The following SLC44A2 variants were observed in gnomAD, a reference collection of about 807,000 sequenced individuals.
The protein encoded by SLC44A2 is choline transporter-like protein 2.
In SLC44A2, 57 loss-of-function variants were observed where a neutral mutation model predicts 90.8. The observed-to-expected ratio is 0.63, with a 90% CI of 0.51 to 0.78. The LOEUF is 0.78. SLC44A2 is among the 30% of genes least tolerant of loss of function. The pLI is 0.00. For missense variants in SLC44A2, 794 were observed against 919.7 expected (o/e 0.86, Z 1.77); for synonymous variants, 355 against 360.7 (o/e 0.98, Z 0.18).
At chr19:10,634,932 G>C in intron 11 of SLC44A2, 42 bp from the exon 12 acceptor site, 1 of 1,614,194 alleles carries the variant, frequency 6.2e-7, no homozygotes, top group Admixed American at 1.7e-5. Context: ...AGGCCTTGGA[G>C]GGAGTGGGGA....
At chr19:10,636,808 T>G in intron 16 of SLC44A2, 52 bp downstream of exon 16, 2 of 1,552,132 alleles carry the variant, frequency 1.3e-6, no homozygotes, top group Admixed American at 1.9e-5. Context: ...CGAGGCTGAA[T>G]AGCGAACCAG....
intron 1 of SLC44A2, among the ~76,000 whole-genome samples, chr19:10,612,370 C>CA (rs1321992443): frequency 6.6e-6 from 1 of 151,938 alleles, no homozygotes; most frequent in Non-Finnish European, 1.5e-5. Context: ...GACCCTGTCT[C>CA]AAAAAATAAA....
At chr19:10,618,412 G>T (rs2066872336) in intron 1 of SLC44A2, among the ~76,000 whole-genome samples, 1 of 149,030 alleles carries the variant, frequency 6.7e-6, no homozygotes, top group African/African-American at 2.5e-5. Flanking sequence ...CTGACCTTGT[G>T]ATCTCCCCGC....
At chr19:10,642,889 G>A in intron 21 of SLC44A2, 2 of 1,582,482 alleles carry the variant, frequency 1.3e-6, no homozygotes, top group Non-Finnish European at 1.7e-6. Flanking sequence ...TTCCCGGGGG[G>A]AGCCCAGGTG....
chr19:10,611,490 C>A (rs79074845), intron 1 of SLC44A2, among the ~76,000 whole-genome samples: 1 of 151,414 alleles, frequency 6.6e-6, no homozygotes, highest in Non-Finnish European at 1.5e-5. Context: ...ACAAGAGACC[C>A]GGTGCAGTGG....
intron 2 of SLC44A2, 84 bp downstream of exon 2, chr19:10,626,385 C>A: frequency 3.9e-6 from 4 of 1,035,062 alleles, no homozygotes; most frequent in Non-Finnish European, 6.0e-6. Context: ...ATCTGTTCTC[C>A]AACAAACTGG....
intron 1 of SLC44A2, among the ~76,000 whole-genome samples, chr19:10,607,341 T>TTTGTTG: frequency 6.6e-6 from 1 of 151,900 alleles, no homozygotes; most frequent in East Asian, 1.9e-4. Context: ...TACTTTATTC[T>TTTGTTG]TTGTTGTTGT....
chr19:10,635,306 A>G (rs1382280625), intron 13 of SLC44A2, 51 bp downstream of exon 13: 1 of 1,609,764 alleles, frequency 6.2e-7, no homozygotes. Context: ...CTAAAGACCA[A>G]CTTTGCCTAG....
At chr19:10,634,919 A>T (rs775124198) in intron 11 of SLC44A2, 32 bp downstream of exon 11, 31 of 1,614,002 alleles carry the variant, frequency 1.9e-5, no homozygotes, top group Non-Finnish European at 2.4e-5. Context: ...CTGCCCCCAC[A>T]TGAGGCCTTG....
chr19:10,621,443 G>GTTTTTTT (rs2066894701), upstream of SLC44A2, among the ~76,000 whole-genome samples: 3 of 55,070 alleles, frequency 5.4e-5, no homozygotes, highest in Admixed American at 2.0e-4. Context: ...TTTTTTTTTG[G>GTTTTTTT]TTTTTGTGGG....
rs748267991 is a variant in SLC44A2 at position 10,637,852 on chromosome 19, C to T, written c.1696-4C>T. On this transcript the variant is annotated splice_polypyrimidine_tract_variant and splice_region_variant and intron_variant, in intron 17 of 21. Coordinates refer to ENST00000335757, the MANE Select transcript of SLC44A2 (RefSeq NM_020428.4). ...TCTGATCTCTCCCTCCCACTCTCCT[C>T]CAGATTGCCATCTACGGCACCAATT... The T allele has an allele frequency of 6.2e-7, 1 of 1,614,146 alleles. No homozygotes were observed.
rs1406814569 is a variant in SLC44A2 at position 10,619,522 on chromosome 19, A to G, written c.32-6731A>G. On this transcript the variant is annotated intron_variant, in intron 1 of 21. Transcript: ENST00000407327. ...CGATTTGCAATACAAAAAAGAAAAAATATTTTTGTAGAGACGAGGTCTCAA... is the reference window on the plus strand; with the variant it reads ...CGATTTGCAATACAAAAAAGAAAAAGTATTTTTGTAGAGACGAGGTCTCAA... Among the ~76,000 whole-genome samples, 7 of 151,970 alleles carry G rather than the reference A, an allele frequency of 4.6e-5. 1 individual carries two copies. Among genetic ancestry groups the G allele is most frequent in the Non-Finnish European group, 1.5e-5 (1 of 67,966 alleles).
Position 10,643,697 on chromosome 19 carries a change from C to G in SLC44A2, c.*312C>G. On this transcript the variant is annotated 3_prime_UTR_variant, in exon 22 of 22. Coordinates refer to ENST00000335757, the MANE Select transcript of SLC44A2 (RefSeq NM_020428.4). Reference sequence around the variant, plus strand: ...AAGCTCCCTCATGCTTCCTGTCCCCCGCTTACACGACAACGGGCCAGACCA... The same window carrying G: ...AAGCTCCCTCATGCTTCCTGTCCCCGGCTTACACGACAACGGGCCAGACCA... 3.9e-6 allele frequency: 1 copy of G among 253,976 alleles called. No individual in the cohort carries two copies. 15.7% of individuals were successfully genotyped at this position (253,976 alleles called of 1,614,324 possible). A position where few individuals can be genotyped will look rare whatever the true frequency, so the allele number is the denominator to read the frequency against.
At chr19:10,637,162 C>T (rs759281252) in intron 16 of SLC44A2, 18 of 219,198 alleles carry the variant, frequency 8.2e-5, no homozygotes, top group Non-Finnish European at 1.5e-4. Context: ...CCAGCCTGGC[C>T]AACATGGTGA....
In SLC44A2 at chr19:10,640,872, G is replaced by A. The variant is rs555545145; in HGVS notation, c.1930-1495G>A. On this transcript the variant is annotated intron_variant, in intron 20 of 21. Transcript: ENST00000335757. The stretch of plus-strand genomic sequence containing the variant: ...AAGCCAAGGCAGGCGGATCATGAAC[G>A]TCAGGAGATTGAGACCATCCTGGCT... Among the ~76,000 whole-genome samples the A allele has an allele frequency of 8.8e-4, 134 of 152,174 alleles. 2 individuals carry two copies. The highest frequency in any genetic ancestry group is 2.3e-3 in the East Asian group (12 of 5,182).
upstream of SLC44A2, among the ~76,000 whole-genome samples, chr19:10,622,525 G>A (rs1203741066): frequency 6.6e-6 from 1 of 151,944 alleles, no homozygotes; most frequent in Non-Finnish European, 1.5e-5. Context: ...AGCTCTGAAG[G>A]CAAAACTGAT....
At chr19:10,640,312 A>G (rs1358841776) in intron 20 of SLC44A2, among the ~76,000 whole-genome samples, 1 of 152,082 alleles carries the variant, frequency 6.6e-6, no homozygotes, top group East Asian at 1.9e-4. Context: ...GCTGGTCTCG[A>G]ACTCCTGACC....
chr19:10,632,550 A>AG (rs1348089536), intron 10 of SLC44A2, among the ~76,000 whole-genome samples: 2 of 151,904 alleles, frequency 1.3e-5, no homozygotes, highest in Non-Finnish European at 2.9e-5. Context: ...AAAAAAAAAA[A>AG]AAGAAAAAAT....
chr19:10,635,524 C>G lies in SLC44A2; in HGVS notation c.1233+9C>G. ...AAACCTGCAACCCAGAGGTGGGCGT[C>G]CCCGGGGTGGGGAGGGCAGGTATTG... On this transcript the variant is annotated intron_variant, in intron 14 of 21. Transcript: ENST00000335757. 1 of 1,610,210 alleles carries G rather than the reference C, an allele frequency of 6.2e-7. No homozygotes were observed. Among genetic ancestry groups the G allele is most frequent in the Non-Finnish European group, 8.5e-7 (1 of 1,178,664 alleles).
Sources: gnomAD v4.1 joint callset for allele counts (sites outside exome capture counted in the v4.1 genomes callset) on GRCh38, gnomAD v4.1.1 for gene constraint, MANE v1.5 for transcripts, NCBI Gene and HGNC (gene_info 2026-07-23, HGNC 2026-07-21) for gene names.